Variants in SQSTM1 observed in about 807,000 individuals in gnomAD.
SQSTM1 encodes the protein sequestosome 1, also known as sequestosome-1.
A neutral mutation model predicts 45.1 loss-of-function variants in SQSTM1; 36 were observed. The ratio of observed to expected loss-of-function variants is 0.80; its 90% CI spans 0.61 to 1.05. The LOEUF is 1.05. SQSTM1 is among the 50% of genes least tolerant of loss of function. The pLI, the probability that SQSTM1 is intolerant of heterozygous loss-of-function variation, is 0.00. For synonymous variants in SQSTM1, 290 were observed against 244.3 expected, an observed-to-expected ratio of 1.19 and a Z score of -1.74; for missense variants, 617 against 607.1, an observed-to-expected ratio of 1.02 and a Z score of -0.17.
chr5:179,834,623 G>C (rs1360101481), intron 7 of SQSTM1, among the ~76,000 whole-genome samples: 1 of 151,908 alleles, frequency 6.6e-6, no homozygotes, highest in Non-Finnish European at 1.5e-5. Context: ...CTCTTAAGGA[G>C]CATGCTGCCT....
intron 7 of SQSTM1, among the ~76,000 whole-genome samples, chr5:179,834,635 C>G (rs986298190): frequency 2.0e-5 from 3 of 151,934 alleles, no homozygotes; most frequent in African/African-American, 7.3e-5. Flanking sequence ...ATGCTGCCTT[C>G]AAGCATCTGT....
intron 2 of SQSTM1, chr5:179,811,942 C>G (rs1221736896): frequency 6.6e-6 from 1 of 152,162 alleles, no homozygotes; most frequent in Non-Finnish European, 1.5e-5. Context: ...GTAGCTGGGA[C>G]TACAGGCGCC....
intron 5 of SQSTM1, among the ~76,000 whole-genome samples, chr5:179,826,474 T>C (rs1334140720): frequency 6.6e-6 from 1 of 151,312 alleles, no homozygotes; most frequent in Non-Finnish European, 1.5e-5. Flanking sequence ...GCCTTGCTCA[T>C]TCCACTTTGA....
At position 179,822,994 on chromosome 5, in the gene SQSTM1, A is replaced by G; in HGVS notation, c.242A>G (p.Glu81Gly). The G allele has an allele frequency of 6.2e-7, 1 of 1,614,122 alleles. No individual in the cohort carries two copies. Among genetic ancestry groups the G allele is most frequent in the Non-Finnish European group, 8.5e-7 (1 of 1,180,006 alleles). Reference protein sequence around the residue: ...DGDLVAFSSDEELTMAMSYVK... With the variant: ...DGDLVAFSSDGELTMAMSYVK... ...GACTTGGTTGCCTTTTCCAGTGACGAGGAATTGACAATGGCCATGTCCTAC... is the reference window on the plus strand; with the variant it reads ...GACTTGGTTGCCTTTTCCAGTGACGGGGAATTGACAATGGCCATGTCCTAC... The change falls in exon 2 of 8, where the codon GAG (glutamate) becomes GGG (glycine). Residue 81 changes from glutamate to glycine, a missense_variant. Coordinates refer to ENST00000389805, the MANE Select transcript of SQSTM1 (RefSeq NM_003900.5).
At position 179,821,068 on chromosome 5, in the gene SQSTM1, C is replaced by T. The variant is rs11548639; in HGVS notation, c.132C>T (p.Cys44=). ...AGGCTGCGGCGGGTCCGGGACCCTG[C>T]GAGCGGCTGCTGAGCCGGGTGGCCG... is the stretch of plus-strand genomic sequence containing the variant. ...EAEAAAGPGP[C]ERLLSRVAAL... The change falls in exon 1 of 8, where the codon TGC becomes TGT. Residue 44 remains cysteine (C), a synonymous_variant. Transcript: ENST00000389805. 3 of 1,487,052 alleles carry T rather than the reference C, an allele frequency of 2.0e-6. No individual in the cohort carries two copies. The highest frequency in any genetic ancestry group is 2.7e-6 in the Non-Finnish European group (3 of 1,122,570). 92.1% of individuals were successfully genotyped at this position (1,487,052 alleles called of 1,614,324 possible).
In SQSTM1 at chr5:179,837,279, T is replaced by C. The variant is rs1758619396; in HGVS notation, c.*686T>C. 13 of 1,607,236 alleles carry C rather than the reference T, an allele frequency of 8.1e-6. No homozygotes were observed. Among genetic ancestry groups the C allele is most frequent in the East Asian group, 2.2e-5 (1 of 44,862 alleles). Reference sequence around the variant, plus strand: ...ATGACGTTTGCATAGAGAGAAATGATTGACAGTAAGTTTATTGTTAATGGT... The same window carrying C: ...ATGACGTTTGCATAGAGAGAAATGACTGACAGTAAGTTTATTGTTAATGGT... On this transcript the variant is annotated 3_prime_UTR_variant, in exon 8 of 8. Transcript: ENST00000389805.
In SQSTM1 at chr5:179,837,173, T is replaced by C; in HGVS notation, c.*580T>C. ...GTTCTCTCATTTCCAAACCATCAGC[T>C]GCTTTTAAAATAAGATCTCTTTGTA... On this transcript the variant is annotated 3_prime_UTR_variant, in exon 8 of 8. Coordinates refer to ENST00000389805, the MANE Select transcript of SQSTM1 (RefSeq NM_003900.5). 6.7e-7 allele frequency: 1 copy of C among 1,500,944 alleles called. No individual in the cohort carries two copies. Among genetic ancestry groups the C allele is most frequent in the Non-Finnish European group, 9.0e-7 (1 of 1,112,674 alleles). 93.0% of individuals were successfully genotyped at this position (1,500,944 alleles called of 1,614,324 possible).
chr5:179,813,470 G>A (rs1482423848), intron 2 of SQSTM1: 2 of 152,180 alleles, frequency 1.3e-5, no homozygotes, highest in South Asian at 4.1e-4. Flanking sequence ...TGTGCATAAA[G>A]TCTAAAACAA....
upstream of SQSTM1, among the ~76,000 whole-genome samples, chr5:179,814,794 G>C (rs1422810247): frequency 6.6e-6 from 1 of 152,148 alleles, no homozygotes; most frequent in Non-Finnish European, 1.5e-5. Context: ...GGTGGCTCAC[G>C]CCTCTAATCC....
Position 179,836,612 on chromosome 5 carries a change from T to G in SQSTM1, c.*19T>G. On this transcript the variant is annotated 3_prime_UTR_variant, in exon 8 of 8. Transcript: ENST00000389805. ...GTTGTGACCACTTTTGCCCACCTCTTCTGCGTGCCCCTCTTCTGTCTCATA... is the reference window on the plus strand; with the variant it reads ...GTTGTGACCACTTTTGCCCACCTCTGCTGCGTGCCCCTCTTCTGTCTCATA... The G allele has an allele frequency of 1.9e-6, 3 of 1,611,668 alleles. No homozygotes were observed. The highest frequency in any genetic ancestry group is 1.7e-6 in the Non-Finnish European group (2 of 1,179,994).
At chr5:179,834,927 C>G (rs1408141983) in intron 7 of SQSTM1, among the ~76,000 whole-genome samples, 8 of 152,212 alleles carry the variant, frequency 5.3e-5, no homozygotes, top group Admixed American at 5.2e-4. Flanking sequence ...GGTACACCTC[C>G]CAGACGGGGT....
Position 179,837,568 on chromosome 5 carries a change from A to G in SQSTM1, c.*975A>G. On this transcript the variant is annotated 3_prime_UTR_variant, in exon 8 of 8. Coordinates refer to ENST00000389805, the MANE Select transcript of SQSTM1 (RefSeq NM_003900.5). ...ATGTGACGGGGTGTGTGGCCCGAGG[A>G]AGCTGGACAGCGGCAGTGGGCCTGC... 3.1e-6 allele frequency: 5 copies of G among 1,614,148 alleles called. No individual in the cohort carries two copies. In the Middle Eastern group the frequency reaches 4.9e-4, roughly 160 times the overall value.
Position 179,824,174 on chromosome 5 carries a change from T to TC in SQSTM1, c.532-3dup. The TC allele has an allele frequency of 6.2e-7, 1 of 1,613,584 alleles. No homozygotes were observed. Among genetic ancestry groups the TC allele is most frequent in the Non-Finnish European group, 8.5e-7 (1 of 1,180,020 alleles). ...CACTGCCTGCCGCTCTGCTAATTCC[T>TC]CCCCCAGGGCTTCTCGCACAGCCGC... On this transcript the variant is annotated splice_polypyrimidine_tract_variant and splice_region_variant and intron_variant, in intron 3 of 7. Transcript: ENST00000389805.
At chr5:179,819,789 C>T (rs1000834877), upstream of SQSTM1, among the ~76,000 whole-genome samples, 5 of 152,174 alleles carry the variant, frequency 3.3e-5, no homozygotes, top group Non-Finnish European at 2.9e-5. Flanking sequence ...CACTTCGGAG[C>T]CCTCCGGGAA....
chr5:179,836,811 G>A lies in SQSTM1; in HGVS notation c.*218G>A, dbSNP rs1582030862. The A allele has an allele frequency of 1.3e-6, 1 of 742,976 alleles. No individual in the cohort carries two copies. The highest frequency in any genetic ancestry group is 3.5e-4 in the Middle Eastern group (1 of 2,844). The allele number at this position is 742,976 out of a possible 1,614,324, so 46.0% of individuals were successfully genotyped here. On this transcript the variant is annotated 3_prime_UTR_variant, in exon 8 of 8. Coordinates refer to ENST00000389805, the MANE Select transcript of SQSTM1 (RefSeq NM_003900.5). The stretch of plus-strand genomic sequence containing the variant: ...TGTTTCCTGGGTGCCCTGGCTCCTT[G>A]CAGCAGGGCTGGGCCTGCGAGACCC...
At chr5:179,826,930 C>G (rs1042251761) in intron 5 of SQSTM1, among the ~76,000 whole-genome samples, 1 of 152,000 alleles carries the variant, frequency 6.6e-6, no homozygotes, top group Non-Finnish European at 1.5e-5. Flanking sequence ...AGTGGAACAC[C>G]GAGGTCATGA....
upstream of SQSTM1, among the ~76,000 whole-genome samples, chr5:179,814,969 C>T (rs963896586): frequency 2.9e-4 from 44 of 152,284 alleles, no homozygotes; most frequent in East Asian, 1.5e-3. Context: ...AGATGTGCTA[C>T]GTGTGTATTA....
At chr5:179,836,009 C>CAA (rs1561609067) in intron 7 of SQSTM1, 1 of 293,206 alleles carries the variant, frequency 3.4e-6, no homozygotes, top group African/African-American at 2.2e-5. Flanking sequence ...CATACATTTC[C>CAA]AAGTCCTGTT....
intron 4 of SQSTM1, among the ~76,000 whole-genome samples, chr5:179,824,710 T>C (rs553530446): frequency 3.9e-5 from 6 of 152,344 alleles, no homozygotes; most frequent in African/African-American, 1.4e-4. Flanking sequence ...AACATAGTTA[T>C]AAGTGAAAGA....
Sources: gnomAD v4.1 joint callset for allele counts (sites outside exome capture counted in the v4.1 genomes callset) on GRCh38, gnomAD v4.1.1 for gene constraint, MANE v1.5 for transcripts, NCBI Gene and HGNC (gene_info 2026-07-23, HGNC 2026-07-21) for gene names.